SHROOM2: variants seen among roughly 807,000 people sequenced by gnomAD.
The protein encoded by SHROOM2 is protein Shroom2.
SHROOM2 carries 33 observed loss-of-function variants against 75.9 expected under a neutral mutation model. The ratio of observed to expected loss-of-function variants is 0.43; its 90% confidence interval spans 0.33 to 0.58. The LOEUF (loss-of-function observed/expected upper bound fraction) is 0.58, where lower values mean the gene tolerates loss of function less well. Among genes scored for constraint, SHROOM2 ranks in the 20% least tolerant of loss-of-function variants. SHROOM2 has a pLI of 0.04. For synonymous variants in SHROOM2, 655 were observed against 663.6 expected, an observed-to-expected ratio of 0.99 and a Z score of 0.20; for missense variants, 1,434 against 1,461.2, an observed-to-expected ratio of 0.98 and a Z score of 0.30.
At chrX:9,857,309 G>A (rs541897593) in intron 1 of SHROOM2, among the ~76,000 whole-genome samples, 1 of 111,839 alleles carries the variant, frequency 8.9e-6, no homozygotes, top group African/African-American at 3.2e-5. Context: ...CCAGTTGGTG[G>A]TTACACGTTT....
chrX:9,849,203 C>T (rs191062591), intron 1 of SHROOM2, among the ~76,000 whole-genome samples: 79 of 111,701 alleles, frequency 7.1e-4, no homozygotes, highest in African/African-American at 2.2e-3. Context: ...AAGATGGGAG[C>T]GTGGATCTCT....
intron 2 of SHROOM2, among the ~76,000 whole-genome samples, chrX:9,875,111 G>A (rs867356804): frequency 0.1 from 3,145 of 31,431 alleles, 234 homozygotes; most frequent in African/African-American, 0.18. Flanking sequence ...AAAAAAAAAA[G>A]GGGAGGAAGG....
chrX:9,934,187 G>A (rs987713789), intron 6 of SHROOM2, among the ~76,000 whole-genome samples: 3 of 112,087 alleles, frequency 2.7e-5, no homozygotes, highest in Non-Finnish European at 5.6e-5. Context: ...AAACCAAGTC[G>A]ATGAATGCAG....
intron 1 of SHROOM2, among the ~76,000 whole-genome samples, chrX:9,872,289 G>A (rs1219607933): frequency 2.7e-5 from 3 of 113,076 alleles, no homozygotes; most frequent in Non-Finnish European, 3.7e-5. Flanking sequence ...TGTAGGCCGC[G>A]CACGGTGGCT....
chrX:9,944,902 C>T lies in SHROOM2; in HGVS notation c.4573C>T (p.Pro1525Ser), dbSNP rs867097302. 5.0e-6 allele frequency: 6 copies of T among 1,201,742 alleles called. No homozygotes were observed. Among genetic ancestry groups the T allele is most frequent in the African/African-American group, 1.7e-5 (1 of 57,578 alleles). The stretch of plus-strand genomic sequence containing the variant: ...CAATAATTTGGACGACGGCGCTTCT[C>T]CCGGTGATCGGGTAAATGCAGATAC... Reference protein sequence around the residue: ...ALNNLDDGASPGDRQSLLEKQ... With the variant: ...ALNNLDDGASSGDRQSLLEKQ... The change falls in exon 9 of 10, where the codon CCC (proline) becomes TCC (serine). Residue 1525 changes from proline (P) to serine (S), a missense_variant. Physicochemically the swap from Pro to Ser is moderately conservative, Grantham distance 74. Around this residue, in one of 3 missense-constraint regions of SHROOM2, gnomAD observed 80 missense variants for 88.4 expected, o/e 0.90. Coordinates refer to ENST00000380913, the MANE Select transcript of SHROOM2 (RefSeq NM_001649.4).
At chrX:9,844,889 G>A (rs751926359) in intron 1 of SHROOM2, among the ~76,000 whole-genome samples, 2 of 111,761 alleles carry the variant, frequency 1.8e-5, no homozygotes, top group Non-Finnish European at 3.8e-5. Context: ...AGTTCTTGGC[G>A]AATTGGTGTG....
At chrX:9,834,577 G>T (rs1244399956) in intron 1 of SHROOM2, among the ~76,000 whole-genome samples, 2 of 110,750 alleles carry the variant, frequency 1.8e-5, no homozygotes, top group Non-Finnish European at 3.8e-5. Context: ...AATTGGTGTT[G>T]CTCATCAGTG....
chrX:9,863,625 A>T (rs1019229486), intron 1 of SHROOM2, among the ~76,000 whole-genome samples: 5 of 106,500 alleles, frequency 4.7e-5, no homozygotes, highest in African/African-American at 1.7e-4. Context: ...GGGGGGGTGT[A>T]TATTTCTTAA....
At chrX:9,828,026 T>G (rs1175312999) in intron 1 of SHROOM2, among the ~76,000 whole-genome samples, 1 of 112,390 alleles carries the variant, frequency 8.9e-6, no homozygotes, top group Non-Finnish European at 1.9e-5. Flanking sequence ...AAGAATTACC[T>G]AAGACTGGGT....
At chrX:9,899,284 C>T (rs1009687352) in intron 5 of SHROOM2, among the ~76,000 whole-genome samples, 5 of 109,957 alleles carry the variant, frequency 4.5e-5, no homozygotes, top group Admixed American at 1.9e-4. Flanking sequence ...ATAGTATAAT[C>T]TTCCCCTTCA....
chrX:9,844,611 G>A (rs751699945), intron 1 of SHROOM2, among the ~76,000 whole-genome samples: 2 of 111,101 alleles, frequency 1.8e-5, no homozygotes, highest in Non-Finnish European at 3.8e-5. Flanking sequence ...TCAGGAGTTC[G>A]AGACCAGCCT....
At chrX:9,882,607 C>G (rs1352071178) in intron 2 of SHROOM2, among the ~76,000 whole-genome samples, 1 of 111,867 alleles carries the variant, frequency 8.9e-6, no homozygotes, top group Non-Finnish European at 1.9e-5. Flanking sequence ...CTGTGCCGCT[C>G]GGTTCTGCCT....
chrX:9,873,664 A>T lies in SHROOM2; in HGVS notation c.178A>T (p.Ser60Cys). 8.3e-7 allele frequency: 1 copy of T among 1,211,696 alleles called. No individual in the cohort carries two copies. Among genetic ancestry groups the T allele is most frequent in the Non-Finnish European group, 1.1e-6 (1 of 895,268 alleles). The change falls in exon 2 of 10, where the codon AGT becomes TGT. Residue 60 changes from serine to cysteine, a missense_variant. Transcript: ENST00000380913. ...TTCTCTGTTACAGATTGAAGAGGGC[A>T]GTAAAGCCGCGGCGGTCGACAAGTT... ...PLVITKIEEG[S>C]KAAAVDKLLA...
At chrX:9,806,232 C>T (rs1052337492) in intron 1 of SHROOM2, among the ~76,000 whole-genome samples, 1 of 110,816 alleles carries the variant, frequency 9.0e-6, no homozygotes, top group East Asian at 2.8e-4. Flanking sequence ...GAGAAACCTG[C>T]CCGTGGTTAT....
At chrX:9,901,334 T>G (rs2084364651) in intron 5 of SHROOM2, among the ~76,000 whole-genome samples, 1 of 112,046 alleles carries the variant, frequency 8.9e-6, no homozygotes, top group Non-Finnish European at 1.9e-5. Context: ...ATTGATTTTG[T>G]GGGGCACAGT....
chrX:9,943,030 C>G (rs1250603016), intron 8 of SHROOM2, among the ~76,000 whole-genome samples: 1 of 109,883 alleles, frequency 9.1e-6, no homozygotes, highest in African/African-American at 3.3e-5. Context: ...AGTTTAAGAC[C>G]AGCCTGGGCA....
At chrX:9,794,308 C>G (rs1393069944) in intron 1 of SHROOM2, among the ~76,000 whole-genome samples, 1 of 112,157 alleles carries the variant, frequency 8.9e-6, no homozygotes, top group Non-Finnish European at 1.9e-5. Flanking sequence ...GCTGTGTTGC[C>G]TGTTGCTCCC....
At chrX:9,830,852 G>A (rs145579274) in intron 1 of SHROOM2, among the ~76,000 whole-genome samples, 4,614 of 110,814 alleles carry the variant, frequency 0.042, 124 homozygotes, top group Non-Finnish European at 0.063. Context: ...TGATCTGCCC[G>A]TCTCGGCCTC....
intron 1 of SHROOM2, among the ~76,000 whole-genome samples, chrX:9,825,424 A>G (rs771423638): frequency 8.9e-6 from 1 of 112,576 alleles, no homozygotes; most frequent in South Asian, 3.7e-4. Flanking sequence ...GGTTTTCACA[A>G]CATGGTGGGA....
Sources: gnomAD v4.1 joint callset for allele counts (sites outside exome capture counted in the v4.1 genomes callset) on GRCh38, gnomAD v4.1.1 for gene constraint, gnomAD v4.1.1 regional missense constraint, MANE v1.5 for transcripts, NCBI Gene and HGNC (gene_info 2026-07-23, HGNC 2026-07-21) for gene names.